GLIS3: variants seen among roughly 807,000 people sequenced by gnomAD.
GLIS3 encodes the protein GLIS family zinc finger 3, also known as zinc finger protein GLIS3.
In GLIS3, 53 loss-of-function variants were observed where a neutral mutation model predicts 78.6. That is an observed-to-expected ratio of 0.67 (90% CI 0.54 to 0.85). The LOEUF (loss-of-function observed/expected upper bound fraction) is 0.85. GLIS3 is among the 40% of genes least tolerant of loss of function. The probability of loss-of-function intolerance (pLI) is 0.00; values close to 1 mark genes in which losing one functional copy is unlikely to be tolerated. For synonymous variants in GLIS3, 684 were observed against 509.9 expected (o/e 1.34, Z -4.60); for missense variants, 1,703 against 1,231.1 (o/e 1.38, Z -5.74).
chr9:4,267,427 A>G (rs555838255), intron 2 of GLIS3, among the ~76,000 whole-genome samples: 3 of 152,360 alleles, frequency 2.0e-5, no homozygotes, highest in South Asian at 4.1e-4. Context: ...CAGTTCCTCA[A>G]AAGATTAATT....
intron 2 of GLIS3, among the ~76,000 whole-genome samples, chr9:4,181,041 A>G (rs1352361795): frequency 1.3e-5 from 2 of 152,198 alleles, no homozygotes; most frequent in Admixed American, 6.5e-5. Flanking sequence ...AGGTAAGATG[A>G]GCTGAGTCAA....
chr9:4,006,021 G>A, intron 4 of GLIS3, among the ~76,000 whole-genome samples: 1 of 152,106 alleles, frequency 6.6e-6, no homozygotes, highest in East Asian at 1.9e-4. Flanking sequence ...GACCCACACA[G>A]GCCCTTCCTT....
At chr9:4,073,936 G>A (rs1456762932) in intron 4 of GLIS3, among the ~76,000 whole-genome samples, 1 of 152,212 alleles carries the variant, frequency 6.6e-6, no homozygotes, top group African/African-American at 2.4e-5. Context: ...ATGCAGAAGA[G>A]AAAAGAGTCA....
chr9:4,354,426 T>G, the GLIS3 span, among the ~76,000 whole-genome samples: 1 of 152,122 alleles, frequency 6.6e-6, no homozygotes, highest in Non-Finnish European at 1.5e-5. Context: ...GAGTGGGTGA[T>G]TATTTCTTTT....
intron 2 of GLIS3, among the ~76,000 whole-genome samples, chr9:4,183,419 G>A (rs1817502092): frequency 6.6e-6 from 1 of 152,130 alleles, no homozygotes; most frequent in Non-Finnish European, 1.5e-5. Context: ...AAGACTCCAT[G>A]CCTTTTTCAT....
intron 3 of GLIS3, among the ~76,000 whole-genome samples, chr9:4,309,164 G>C (rs975832255): frequency 2.0e-5 from 3 of 152,164 alleles, no homozygotes; most frequent in Non-Finnish European, 2.9e-5. Flanking sequence ...TCAACCTTTT[G>C]TGTATATGCC....
intron 2 of GLIS3, among the ~76,000 whole-genome samples, chr9:4,188,874 C>G (rs6476815): frequency 1 from 152,182 of 152,290 alleles, 76,038 homozygotes; most frequent in Non-Finnish European, 1. Flanking sequence ...GCATCTATTT[C>G]ACTCTTCTCT....
intron 2 of GLIS3, among the ~76,000 whole-genome samples, chr9:4,332,698 T>C (rs942936684): frequency 1.3e-5 from 2 of 152,234 alleles, no homozygotes; most frequent in East Asian, 1.9e-4. Context: ...CTCTAATCTT[T>C]GAGCTATTGT....
At chr9:4,416,488 A>T in the GLIS3 span, among the ~76,000 whole-genome samples, 28 of 152,268 alleles carry the variant, frequency 1.8e-4, 2 homozygotes, top group South Asian at 5.8e-3. Context: ...TATAAAGATT[A>T]AACATTGCTT....
At chr9:4,374,527 G>C in the GLIS3 span, among the ~76,000 whole-genome samples, 1 of 152,202 alleles carries the variant, frequency 6.6e-6, no homozygotes. Context: ...ATGCCCTTAA[G>C]CCTGTCCAGG....
At chr9:4,376,009 C>T in the GLIS3 span, among the ~76,000 whole-genome samples, 4 of 152,182 alleles carry the variant, frequency 2.6e-5, no homozygotes, top group African/African-American at 4.8e-5. Flanking sequence ...CTGTGAGCTT[C>T]ACAGGAATGC....
intron 4 of GLIS3, among the ~76,000 whole-genome samples, chr9:4,072,777 CTGT>C (rs1453353057): frequency 2.0e-5 from 3 of 150,080 alleles, no homozygotes; most frequent in African/African-American, 7.5e-5. Flanking sequence ...CACTGTGCTG[CTGT>C]TGTTGTTTAG....
chr9:3,891,956 T>A (rs946550148), intron 7 of GLIS3, among the ~76,000 whole-genome samples: 4 of 152,174 alleles, frequency 2.6e-5, no homozygotes, highest in Non-Finnish European at 5.9e-5. Flanking sequence ...TTCTTTTTAA[T>A]CGTGAAGAGT....
intron 1 of GLIS3, among the ~76,000 whole-genome samples, chr9:4,294,868 C>A (rs984111785): frequency 6.6e-6 from 1 of 152,158 alleles, no homozygotes; most frequent in Non-Finnish European, 1.5e-5. Flanking sequence ...TTCTGTACTG[C>A]TCATACTGAA....
intron 4 of GLIS3, among the ~76,000 whole-genome samples, chr9:4,061,256 T>G (rs969994374): frequency 1.5e-5 from 2 of 130,968 alleles, no homozygotes; most frequent in African/African-American, 5.9e-5. Flanking sequence ...TGATGTTCCC[T>G]TTCCTGTGTC....
chr9:4,419,672 T>C, the GLIS3 span, among the ~76,000 whole-genome samples: 4 of 151,832 alleles, frequency 2.6e-5, no homozygotes, highest in African/African-American at 4.8e-5. Flanking sequence ...CCCAGCTACT[T>C]GGGAGGCTGA....
At chr9:4,173,561 TACACACACAC>T (rs34572625) in intron 2 of GLIS3, among the ~76,000 whole-genome samples, 26,315 of 146,330 alleles carry the variant, frequency 0.18, 2,400 homozygotes, top group African/African-American at 0.25. Flanking sequence ...TGTGTATAGA[TACACACACAC>T]ACACACACAC....
chr9:4,161,277 T>C (rs1835457477), intron 2 of GLIS3, among the ~76,000 whole-genome samples: 1 of 151,804 alleles, frequency 6.6e-6, no homozygotes, highest in Admixed American at 6.6e-5. Context: ...TGTCTCAAAA[T>C]AAATAAACAA....
At chr9:4,345,645 T>C (rs372241933) in intron 2 of GLIS3, among the ~76,000 whole-genome samples, 1 of 152,352 alleles carries the variant, frequency 6.6e-6, no homozygotes, top group African/African-American at 2.4e-5. Context: ...ATGTAGCAGA[T>C]TGGATACAGA....
Sources: allele counts gnomAD v4.1 joint callset (sites outside exome capture counted in the v4.1 genomes callset), GRCh38; gene constraint gnomAD v4.1.1; transcripts MANE v1.5; gene names NCBI Gene and HGNC (gene_info 2026-07-23, HGNC 2026-07-21).